Variants in MARCHF6 observed in about 807,000 individuals in gnomAD.
The protein encoded by MARCHF6 is E3 ubiquitin-protein ligase MARCHF6.
MARCHF6 carries 31 observed loss-of-function variants against 133.7 expected under a neutral mutation model. That is an observed-to-expected ratio of 0.23 (90% CI 0.17 to 0.31). The LOEUF (loss-of-function observed/expected upper bound fraction) is 0.31. Among genes scored for constraint, MARCHF6 ranks in the 10% least tolerant of loss-of-function variants. The probability of loss-of-function intolerance (pLI) is 1.00; values close to 1 mark genes in which losing one functional copy is unlikely to be tolerated. For missense variants in MARCHF6, 723 were observed against 1,121.6 expected, an observed-to-expected ratio of 0.64 and a Z score of 5.08; for synonymous variants, 395 against 402.5, an observed-to-expected ratio of 0.98 and a Z score of 0.22.
chr5:10,376,347 C>T (rs1224251370), intron 1 of MARCHF6, among the ~76,000 whole-genome samples: 1 of 152,078 alleles, frequency 6.6e-6, no homozygotes, highest in Non-Finnish European at 1.5e-5. Flanking sequence ...TCTGCAGCTT[C>T]ACTCCTGAGC....
Position 10,438,144 on chromosome 5 carries a change from C to T in MARCHF6, c.*4460C>T, listed in dbSNP as rs1343788013. ...ACTGCCCACTTCTGCATGTCTGCTA[C>T]GAGATCAGAAAGTCAGTTTCACTAA... On this transcript the variant is annotated 3_prime_UTR_variant, in exon 26 of 26. Coordinates refer to ENST00000274140, the MANE Select transcript of MARCHF6 (RefSeq NM_005885.4). 1 of 152,160 alleles carries T rather than the reference C, an allele frequency of 6.6e-6. No individual in the cohort carries two copies. The highest frequency in any genetic ancestry group is 2.4e-5 in the African/African-American group (1 of 41,420). The allele number at this position is 152,160 out of a possible 1,614,324, so 9.4% of individuals were successfully genotyped here. A position where few individuals can be genotyped will look rare whatever the true frequency, so the allele number is the denominator to read the frequency against.
intron 17 of MARCHF6, among the ~76,000 whole-genome samples, chr5:10,409,082 A>G (rs181392884): frequency 1.5e-3 from 222 of 152,204 alleles, no homozygotes; most frequent in African/African-American, 5.1e-3. Flanking sequence ...TGGTCGCCCA[A>G]AGTGCTGGGA....
At chr5:10,415,371 T>C (rs1379654271) in intron 20 of MARCHF6, 117 bp from the exon 21 acceptor site, 1 of 914,656 alleles carries the variant, frequency 1.1e-6, no homozygotes, top group Admixed American at 2.4e-5. Context: ...GATGAAGACA[T>C]TGATATATCG....
rs2126403211 is a variant in MARCHF6, at chr5:10,437,277, T to C, written c.*3593T>C. 6.6e-6 allele frequency: 1 copy of C among 152,356 alleles called. No homozygotes were observed. Among genetic ancestry groups the C allele is most frequent in the African/African-American group, 2.4e-5 (1 of 41,596 alleles). 9.4% of individuals were successfully genotyped at this position (152,356 alleles called of 1,614,324 possible). ...TCTACATTGTAAAATTAAAAGATTA[T>C]ATTTAAAATACTTCTTTAGGATGTT... On this transcript the variant is annotated 3_prime_UTR_variant, in exon 26 of 26. Coordinates refer to ENST00000274140, the MANE Select transcript of MARCHF6 (RefSeq NM_005885.4).
At chr5:10,424,982 T>A (rs1170093401) in intron 23 of MARCHF6, among the ~76,000 whole-genome samples, 1 of 152,256 alleles carries the variant, frequency 6.6e-6, no homozygotes, top group Non-Finnish European at 1.5e-5. Context: ...ATTTTGCTGC[T>A]ACTTTACGCT....
rs774705396 is a variant in MARCHF6, at chr5:10,353,851, C to T, written c.-48C>T. On this transcript the variant is annotated 5_prime_UTR_variant, in exon 1 of 26. Transcript: ENST00000274140. ...CCTCTCCCCTCCCTCTTTCCCCGCC[C>T]GGCCGCGGGAGCCTCGTGGCTGCGT... 53 of 1,541,762 alleles carry T rather than the reference C, an allele frequency of 3.4e-5. No homozygotes were observed. The South Asian group carries it at 6.3e-4, about 18-fold the overall frequency.
In MARCHF6 at chr5:10,369,203, A is replaced by G. The variant is rs191789851; in HGVS notation, c.20-8595A>G. Among the ~76,000 whole-genome samples the G allele has an allele frequency of 1.1e-4, 16 of 152,290 alleles. No individual in the cohort carries two copies. In the East Asian group the frequency reaches 3.1e-3, roughly 29 times the overall value. On this transcript the variant is annotated intron_variant, in intron 1 of 25. Coordinates refer to ENST00000274140, the MANE Select transcript of MARCHF6 (RefSeq NM_005885.4). ...AAAGTAAGTTACATGTCCATGCCTA[A>G]TTTCAGAGGTGGCAGGGAAGTGCAG...
At chr5:10,408,338 GC>G (rs536643795) in intron 17 of MARCHF6, among the ~76,000 whole-genome samples, 246 of 152,176 alleles carry the variant, frequency 1.6e-3, no homozygotes, top group Middle Eastern at 3.4e-3. Context: ...GCAAGACTTG[GC>G]ATAATCTCAT....
chr5:10,407,344 T>C (rs1429567575), intron 17 of MARCHF6, 142 bp downstream of exon 17: 1 of 338,174 alleles, frequency 3.0e-6, no homozygotes, highest in African/African-American at 2.1e-5. Flanking sequence ...TTTACCTTTA[T>C]TTTTATTATT....
At chr5:10,428,796 T>TA (rs1320529438) in intron 24 of MARCHF6, among the ~76,000 whole-genome samples, 2 of 152,354 alleles carry the variant, frequency 1.3e-5, no homozygotes, top group East Asian at 3.9e-4. Flanking sequence ...TATATAGACT[T>TA]AAGAATTTGG....
At chr5:10,416,709 T>G (rs1316834725) in intron 21 of MARCHF6, among the ~76,000 whole-genome samples, 1 of 152,228 alleles carries the variant, frequency 6.6e-6, no homozygotes, top group African/African-American at 2.4e-5. Context: ...ATTACTCTTT[T>G]ATAATGTCTC....
chr5:10,415,109 A>G (rs924451211), intron 20 of MARCHF6, among the ~76,000 whole-genome samples: 3 of 152,248 alleles, frequency 2.0e-5, no homozygotes, highest in African/African-American at 7.2e-5. Flanking sequence ...AAGTATTGAC[A>G]TCACAAATAA....
At chr5:10,387,792 C>T (rs1213349514) in intron 5 of MARCHF6, among the ~76,000 whole-genome samples, 1 of 152,052 alleles carries the variant, frequency 6.6e-6, no homozygotes, top group Non-Finnish European at 1.5e-5. Flanking sequence ...TCCTGAATAG[C>T]TGGGATTACA....
chr5:10,380,910 G>A (rs1444065460), intron 3 of MARCHF6, among the ~76,000 whole-genome samples: 18 of 149,100 alleles, frequency 1.2e-4, no homozygotes, highest in Non-Finnish European at 1.9e-4. Flanking sequence ...CTGGGCAACA[G>A]AGTGAGACTC....
intron 17 of MARCHF6, among the ~76,000 whole-genome samples, chr5:10,407,964 C>CCG (rs1739006640): frequency 7.1e-6 from 1 of 140,458 alleles, no homozygotes; most frequent in African/African-American, 2.6e-5. Context: ...CCCCCCCCCC[C>CCG]CAAAAAAAAA....
rs764826332 is a variant in MARCHF6 at position 10,381,832 on chromosome 5, A to G, written c.223A>G (p.Ile75Val). Residue 75 changes from isoleucine (I) to valine (V), a missense_variant, in exon 4 of 26, where the codon ATT (isoleucine) becomes GTT (valine). By Grantham distance (29) the Ile-to-Val change is conservative. Around this residue, in one of 4 missense-constraint regions of MARCHF6, gnomAD observed 91 missense variants for 208.8 expected, o/e 0.44. Transcript: ENST00000274140. The stretch of plus-strand genomic sequence containing the variant: ...TCCAGATATGCCTTCACGGCTTCCA[A>G]TTCAAGACATATTTGCTGGACTGGT... ...YSPDMPSRLPIQDIFAGLVTS... is the reference protein window; with the variant it reads ...YSPDMPSRLPVQDIFAGLVTS... The G allele has an allele frequency of 1.2e-6, 2 of 1,610,776 alleles. No individual in the cohort carries two copies. Among genetic ancestry groups the G allele is most frequent in the East Asian group, 2.2e-5 (1 of 44,694 alleles).
chr5:10,399,656 TG>T (rs1229839197), intron 10 of MARCHF6, among the ~76,000 whole-genome samples: 1 of 152,180 alleles, frequency 6.6e-6, no homozygotes, highest in Non-Finnish European at 1.5e-5. Flanking sequence ...TACTAGAATT[TG>T]GTATTTCCTA....
At chr5:10,375,295 A>T (rs1178578177) in intron 1 of MARCHF6, among the ~76,000 whole-genome samples, 1 of 152,136 alleles carries the variant, frequency 6.6e-6, no homozygotes, top group East Asian at 1.9e-4. Flanking sequence ...GAGACTTGGC[A>T]CCCGGGCCAG....
intron 17 of MARCHF6, 23 bp from the exon 18 acceptor site, chr5:10,410,116 A>G (rs1248354914): frequency 1.2e-6 from 2 of 1,612,002 alleles, no homozygotes; most frequent in Non-Finnish European, 1.7e-6. Flanking sequence ...TACAATTCAC[A>G]TTATAAATCC....
Sources: allele counts gnomAD v4.1 joint callset (sites outside exome capture counted in the v4.1 genomes callset), GRCh38; gene constraint gnomAD v4.1.1; regional missense constraint gnomAD v4.1.1; transcripts MANE v1.5; gene names NCBI Gene and HGNC (gene_info 2026-07-23, HGNC 2026-07-21).